The following CCDC136 variants were observed in gnomAD, a reference collection of about 807,000 sequenced individuals.
The protein encoded by CCDC136 is coiled-coil domain-containing protein 136.
A neutral mutation model predicts 141.2 loss-of-function variants in CCDC136; 100 were observed. That is an observed-to-expected ratio of 0.71 (90% CI 0.60 to 0.84). The LOEUF is 0.84. Ranked by LOEUF, CCDC136 falls within the 40% of genes least tolerant of loss-of-function variation. The pLI, the probability that CCDC136 is intolerant of heterozygous loss-of-function variation, is 0.00. For synonymous variants in CCDC136, 474 were observed against 531.9 expected (o/e 0.89, Z 1.50); for missense variants, 1,206 against 1,379.4 (o/e 0.87, Z 1.99).
chr7:128,811,301 A>G (rs370843999), intron 12 of CCDC136: 1 of 251,944 alleles, frequency 4.0e-6, no homozygotes, highest in Non-Finnish European at 7.3e-6. Flanking sequence ...GCCAGGCCCA[A>G]CATGCCCAGA....
In CCDC136 at chr7:128,812,095, G is replaced by C. The variant is rs1374159468; in HGVS notation, c.2324G>C (p.Ser775Thr). The C allele has an allele frequency of 6.2e-7, 1 of 1,614,010 alleles. No homozygotes were observed. The highest frequency in any genetic ancestry group is 8.5e-7 in the Non-Finnish European group (1 of 1,179,888). The change falls in exon 13 of 18, where the codon AGT becomes ACT. Residue 775 changes from serine to threonine, a missense_variant. Coordinates refer to ENST00000297788, the MANE Select transcript of CCDC136 (RefSeq NM_022742.5). ...GATGACAATGAGAGCTATTACAAGAGTTACACCAGCACCCAGACCAGCAGC... is the reference window on the plus strand; with the variant it reads ...GATGACAATGAGAGCTATTACAAGACTTACACCAGCACCCAGACCAGCAGC... ...TVDDNESYYK[S>T]YTSTQTSSKS...
At position 128,792,352 on chromosome 7, in the gene CCDC136, G is replaced by T. The variant is rs749933059; in HGVS notation, c.-60G>T. ...AGTGACCACTCTAGGCTCCTATGAG[G>T]CTTCCGAGGGCTGTGAGAGGAAGAA... On this transcript the variant is annotated 5_prime_UTR_variant, in exon 1 of 18. Transcript: ENST00000297788. 6.2e-6 allele frequency: 10 copies of T among 1,609,860 alleles called. No individual in the cohort carries two copies. The highest frequency in any genetic ancestry group is 8.5e-6 in the Non-Finnish European group (10 of 1,177,996).
Position 128,811,887 on chromosome 7 carries a change from C to G in CCDC136, c.2116C>G (p.Gln706Glu). ...GAAGCAGGAGCTCTTGCAGCAAGAG[C>G]AAGGGAGGCTCCTAGAGGAGCGGAA... is the stretch of plus-strand genomic sequence containing the variant. ...QAKQELLQQEQGRLLEERKRL... is the reference protein window; with the variant it reads ...QAKQELLQQEEGRLLEERKRL... Residue 706 changes from glutamine to glutamate, a missense_variant, in exon 13 of 18, where the codon CAA (glutamine) becomes GAA (glutamate). By Grantham distance (29) the Gln-to-Glu change is conservative. Coordinates refer to ENST00000297788, the MANE Select transcript of CCDC136 (RefSeq NM_022742.5). The G allele has an allele frequency of 6.2e-7, 1 of 1,613,676 alleles. No homozygotes were observed. Among genetic ancestry groups the G allele is most frequent in the Non-Finnish European group, 8.5e-7 (1 of 1,179,712 alleles).
At chr7:128,809,281 A>C in intron 10 of CCDC136, 169 bp from the exon 11 acceptor site, 1 of 573,084 alleles carries the variant, frequency 1.7e-6, no homozygotes, top group Non-Finnish European at 3.1e-6. Flanking sequence ...GGGATCCCCA[A>C]TCGGTATCTA....
At chr7:128,804,471 T>C (rs1189593962) in intron 4 of CCDC136, among the ~76,000 whole-genome samples, 179 bp from the exon 5 acceptor site, 3 of 152,170 alleles carry the variant, frequency 2.0e-5, no homozygotes, top group Non-Finnish European at 4.4e-5. Flanking sequence ...GGAGAAAGAC[T>C]CACTGCACTG....
chr7:128,814,854 G>C lies in CCDC136; in HGVS notation c.2980G>C (p.Val994Leu). Residue 994 changes from valine (V) to leucine (L), a missense_variant, in exon 15 of 18, where the codon GTT (valine) becomes CTT (leucine). Coordinates refer to ENST00000297788, the MANE Select transcript of CCDC136 (RefSeq NM_022742.5). Reference sequence around the variant, plus strand: ...GAACATGAACAAGAATGCCAATGGGGTTAAAATGAAAAAGGTGACCAAGCC... The same window carrying C: ...GAACATGAACAAGAATGCCAATGGGCTTAAAATGAAAAAGGTGACCAAGCC... ...NKNMNKNANGVKMKKVTKPCS... is the reference protein window; with the variant it reads ...NKNMNKNANGLKMKKVTKPCS... 6.2e-7 allele frequency: 1 copy of C among 1,608,736 alleles called. No individual in the cohort carries two copies. Among genetic ancestry groups the C allele is most frequent in the Non-Finnish European group, 8.5e-7 (1 of 1,177,570 alleles).
At position 128,794,548 on chromosome 7, in the gene CCDC136, G is replaced by C; in HGVS notation, c.217G>C (p.Glu73Gln). 3 of 1,556,054 alleles carry C rather than the reference G, an allele frequency of 1.9e-6. No individual in the cohort carries two copies. The highest frequency in any genetic ancestry group is 1.7e-6 in the Non-Finnish European group (2 of 1,149,606). Residue 73 changes from glutamate to glutamine, a missense_variant, in exon 2 of 18, where the codon GAG becomes CAG. Transcript: ENST00000297788. The surrounding 1 kb of genome is among the most constrained non-coding windows in gnomAD (Gnocchi z 4.3). ...AQVLQLVAELEETRELAGQHE... is the reference protein window; with the variant it reads ...AQVLQLVAELQETRELAGQHE... ...GGTGCTGCAGCTGGTGGCAGAACTG[G>C]AGGAGACCCGGGAACTGGCAGGGCA...
chr7:128,797,442 A>G (rs1354379020), intron 3 of CCDC136, among the ~76,000 whole-genome samples: 7 of 152,240 alleles, frequency 4.6e-5, no homozygotes, highest in Non-Finnish European at 2.9e-5. Context: ...TCCAGTATTT[A>G]GAGGTCCAGT....
intron 3 of CCDC136, among the ~76,000 whole-genome samples, chr7:128,795,225 A>G (rs558712817): frequency 2.0e-5 from 3 of 152,204 alleles, no homozygotes; most frequent in African/African-American, 7.2e-5. Context: ...CTCTGCACCT[A>G]TTAAGAGAGA....
chr7:128,796,739 A>ATATATTTTTTTTT lies in CCDC136; in HGVS notation c.346+1972_346+1973insATATTTTTTTTTT. ...TGATTCAGAATATATATATATATAT[A>ATATATTTTTTTTT]TTCTTTTTTTTTTTTTTTTTGAGAC... On this transcript the variant is annotated intron_variant, in intron 3 of 17. Transcript: ENST00000297788. 5.3e-5 allele frequency among the ~76,000 whole-genome samples: 6 copies of ATATATTTTTTTTT among 113,380 alleles called. No individual in the cohort carries two copies. In the East Asian group the frequency reaches 1.8e-3, roughly 34 times the overall value. 74.4% of individuals were successfully genotyped at this position (113,380 alleles called of 152,430 possible).
Position 128,819,126 on chromosome 7 carries a change from C to G in CCDC136, c.*5+1262C>G, listed in dbSNP as rs996349629. On this transcript the variant is annotated intron_variant, in intron 17 of 17. Transcript: ENST00000297788. ...TATGACTGTTTCTCCCCTGTCACCC[C>G]CCAGAAGTCTTAAGGCACTACGGGT... Among the ~76,000 whole-genome samples the G allele has an allele frequency of 3.3e-5, 5 of 152,226 alleles. No homozygotes were observed. The East Asian group carries it at 9.6e-4, about 29-fold the overall frequency.
intron 3 of CCDC136, among the ~76,000 whole-genome samples, chr7:128,797,036 C>T (rs528652868): frequency 7.3e-4 from 111 of 152,164 alleles, no homozygotes; most frequent in Non-Finnish European, 1.0e-3. Context: ...CCACCGCGCC[C>T]GGCCCAGAAT....
intron 8 of CCDC136, 106 bp from the exon 9 acceptor site, chr7:128,806,582 C>T: frequency 8.4e-7 from 1 of 1,191,264 alleles, no homozygotes; most frequent in Non-Finnish European, 1.2e-6. Context: ...AAGTGAAGGG[C>T]AGGAAGAAGC....
intron 17 of CCDC136, among the ~76,000 whole-genome samples, chr7:128,819,528 A>G (rs1807151348): frequency 6.6e-6 from 1 of 152,226 alleles, no homozygotes; most frequent in Admixed American, 6.5e-5. Flanking sequence ...TATAAATTAT[A>G]AAATACCCCA....
intron 1 of CCDC136, among the ~76,000 whole-genome samples, chr7:128,793,508 A>G (rs1802508289): frequency 6.6e-6 from 1 of 152,172 alleles, no homozygotes; most frequent in South Asian, 2.1e-4. Context: ...AACCTCTACA[A>G]TCAGATATTT....
intron 9 of CCDC136, 45 bp downstream of exon 9, chr7:128,806,903 T>C: frequency 6.5e-7 from 1 of 1,550,124 alleles, no homozygotes; most frequent in Non-Finnish European, 8.7e-7. Flanking sequence ...AGGCATCATC[T>C]TGTGTGAGGG....
chr7:128,808,737 T>G (rs910097585), intron 10 of CCDC136: 15 of 985,270 alleles, frequency 1.5e-5, no homozygotes, highest in Non-Finnish European at 1.8e-5. Context: ...TCCTCCTTTT[T>G]CCACTGCTAC....
intron 3 of CCDC136, among the ~76,000 whole-genome samples, chr7:128,796,743 T>TATGTATATATATA (rs1282909541): frequency 1.0e-5 from 1 of 99,534 alleles, no homozygotes; most frequent in African/African-American, 4.3e-5. Context: ...ATATATATTC[T>TATGTATATATATA]TTTTTTTTTT....
chr7:128,819,186 C>T (rs1562981253), intron 17 of CCDC136, among the ~76,000 whole-genome samples: 1 of 152,248 alleles, frequency 6.6e-6, no homozygotes, highest in East Asian at 1.9e-4. Context: ...CCTTCCACTA[C>T]CTCAGACCCA....
Sources: gnomAD v4.1 joint callset for allele counts (sites outside exome capture counted in the v4.1 genomes callset) on GRCh38, gnomAD v4.1.1 for gene constraint, Gnocchi (gnomAD v3.1) non-coding constraint, MANE v1.5 for transcripts, NCBI Gene and HGNC (gene_info 2026-07-23, HGNC 2026-07-21) for gene names.